The following ASTN2 variants were observed in gnomAD, a reference collection of about 807,000 sequenced individuals.
ASTN2 encodes the protein astrotactin-2.
A neutral mutation model predicts 139.8 loss-of-function variants in ASTN2; 54 were observed. The observed-to-expected ratio is 0.39, with a 90% CI of 0.31 to 0.48. The LOEUF (loss-of-function observed/expected upper bound fraction) is 0.48. Among genes scored for constraint, ASTN2 ranks in the 20% least tolerant of loss-of-function variants. The pLI, the probability that ASTN2 is intolerant of heterozygous loss-of-function variation, is 0.95. For synonymous variants in ASTN2, 756 were observed against 719.5 expected, an observed-to-expected ratio of 1.05 and a Z score of -0.81; for missense variants, 1,565 against 1,725.1, an observed-to-expected ratio of 0.91 and a Z score of 1.64.
chr9:116,540,366 G>A lies in ASTN2; in HGVS notation c.3356-52866C>T, dbSNP rs553389505. ...TGAAAGAAACATGCAAGAAGAAAGA[G>A]GTAAAATGATTTCTTGCAGTTTTCC... On this transcript the variant is annotated intron_variant, in intron 19 of 22. Transcript: ENST00000313400. 1.2e-4 allele frequency: 19 copies of A among 152,296 alleles called. No individual in the cohort carries two copies. The South Asian group carries it at 3.9e-3, about 32-fold the overall frequency. 9.4% of individuals were successfully genotyped at this position (152,296 alleles called of 1,614,324 possible).
chr9:116,631,335 C>A (rs1474271017), intron 17 of ASTN2, among the ~76,000 whole-genome samples: 2 of 152,058 alleles, frequency 1.3e-5, no homozygotes, highest in Non-Finnish European at 2.9e-5. Flanking sequence ...TAAATAAATG[C>A]ATGGATAAAG....
chr9:116,792,241 A>T (rs1047167186), intron 13 of ASTN2, among the ~76,000 whole-genome samples: 2 of 152,138 alleles, frequency 1.3e-5, no homozygotes, highest in African/African-American at 4.8e-5. Flanking sequence ...ATCCCCAGTC[A>T]AACTAATGGG....
chr9:116,429,377 C>T (rs1847423633), intron 22 of ASTN2, among the ~76,000 whole-genome samples: 1 of 146,016 alleles, frequency 6.8e-6, no homozygotes, highest in Non-Finnish European at 1.5e-5. Flanking sequence ...AAGTGGAGTG[C>T]ACACTCAGGT....
chr9:116,811,822 G>A (rs1831174967), intron 12 of ASTN2, among the ~76,000 whole-genome samples: 2 of 152,084 alleles, frequency 1.3e-5, no homozygotes, highest in Admixed American at 6.5e-5. Flanking sequence ...CATATCCCAG[G>A]AAGTATAAAT....
intron 2 of ASTN2, among the ~76,000 whole-genome samples, chr9:117,276,058 A>C (rs183544056): frequency 8.5e-5 from 13 of 152,254 alleles, no homozygotes; most frequent in Non-Finnish European, 1.8e-4. Flanking sequence ...ATTTTAATGA[A>C]ATTTTAAATG....
chr9:117,213,241 A>G (rs1832199497), intron 3 of ASTN2, among the ~76,000 whole-genome samples: 2 of 152,168 alleles, frequency 1.3e-5, no homozygotes, highest in Non-Finnish European at 2.9e-5. Flanking sequence ...AATTGACCTC[A>G]TAGAAGTAAA....
intron 4 of ASTN2, among the ~76,000 whole-genome samples, chr9:117,108,839 T>A (rs1829174474): frequency 6.6e-6 from 1 of 152,178 alleles, no homozygotes; most frequent in African/African-American, 2.4e-5. Flanking sequence ...ACATCTGGCA[T>A]AATTTTTCTT....
At chr9:116,812,462 G>T (rs1831191584) in intron 12 of ASTN2, among the ~76,000 whole-genome samples, 1 of 152,150 alleles carries the variant, frequency 6.6e-6, no homozygotes, top group Admixed American at 6.5e-5. Context: ...GAATGCAGAT[G>T]CTCCCTAGCA....
chr9:117,229,005 AAAAACAAAAC>A (rs71268506), intron 2 of ASTN2, among the ~76,000 whole-genome samples: 147 of 150,712 alleles, frequency 9.8e-4, no homozygotes, highest in Middle Eastern at 3.4e-3. Flanking sequence ...CTCCATTTCA[AAAAACAAAAC>A]AAAACAAAAC....
intron 20 of ASTN2, among the ~76,000 whole-genome samples, chr9:116,476,667 G>T (rs1274680207): frequency 6.6e-6 from 1 of 152,194 alleles, no homozygotes; most frequent in Non-Finnish European, 1.5e-5. Context: ...ACTGTGCACT[G>T]CAGTAAGTTA....
intron 2 of ASTN2, among the ~76,000 whole-genome samples, chr9:117,241,948 C>A (rs539388869): frequency 0.038 from 5,724 of 148,922 alleles, 400 homozygotes; most frequent in African/African-American, 0.13. Flanking sequence ...ACACACACAC[C>A]ACACACCCCT....
chr9:116,958,516 G>A (rs894838667), intron 10 of ASTN2, among the ~76,000 whole-genome samples: 1 of 152,136 alleles, frequency 6.6e-6, no homozygotes, highest in African/African-American at 2.4e-5. Context: ...ATGAACCCGG[G>A]AGGTGGAGCT....
intron 19 of ASTN2, among the ~76,000 whole-genome samples, chr9:116,510,960 T>G (rs1266704450): frequency 3.3e-5 from 5 of 152,238 alleles, no homozygotes; most frequent in Non-Finnish European, 7.3e-5. Flanking sequence ...AGGGACAATT[T>G]GACTTCCTCT....
intron 10 of ASTN2, among the ~76,000 whole-genome samples, chr9:116,923,521 G>T: frequency 6.6e-6 from 1 of 152,218 alleles, no homozygotes; most frequent in Non-Finnish European, 1.5e-5. Context: ...GAAAAGGTGA[G>T]TGAGGAGTAG....
chr9:117,258,769 C>T (rs1217054485), intron 2 of ASTN2, among the ~76,000 whole-genome samples: 2 of 152,108 alleles, frequency 1.3e-5, no homozygotes, highest in Admixed American at 1.3e-4. Context: ...CCTCCTTGTG[C>T]TTGCATATGT....
intron 19 of ASTN2, among the ~76,000 whole-genome samples, chr9:116,589,861 A>C (rs1854308869): frequency 6.6e-6 from 1 of 152,176 alleles, no homozygotes; most frequent in African/African-American, 2.4e-5. Flanking sequence ...GACAATTTTA[A>C]CCCACTGTAG....
intron 2 of ASTN2, among the ~76,000 whole-genome samples, chr9:117,221,189 C>T (rs1832504782): frequency 6.6e-6 from 1 of 152,074 alleles, no homozygotes; most frequent in Non-Finnish European, 1.5e-5. Context: ...GCTGCTTTTA[C>T]TTTCTCCAAT....
At chr9:116,862,413 T>C (rs1249605669) in intron 11 of ASTN2, among the ~76,000 whole-genome samples, 1 of 152,190 alleles carries the variant, frequency 6.6e-6, no homozygotes, top group Non-Finnish European at 1.5e-5. Flanking sequence ...TGCTATAACG[T>C]GTCACAGGTG....
At chr9:116,730,359 T>G (rs1828744489) in intron 14 of ASTN2, among the ~76,000 whole-genome samples, 1 of 152,142 alleles carries the variant, frequency 6.6e-6, no homozygotes, top group Admixed American at 6.5e-5. Context: ...TTTTTTTTCC[T>G]CCTTATGCTC....
Sources: gnomAD v4.1 joint callset for allele counts (sites outside exome capture counted in the v4.1 genomes callset) on GRCh38, gnomAD v4.1.1 for gene constraint, MANE v1.5 for transcripts, NCBI Gene and HGNC (gene_info 2026-07-23, HGNC 2026-07-21) for gene names.